MARCHF1: variants seen among roughly 807,000 people sequenced by gnomAD.
MARCHF1 encodes E3 ubiquitin-protein ligase MARCHF1.
MARCHF1 carries 40 observed loss-of-function variants against 54.2 expected under a neutral mutation model. The observed-to-expected ratio is 0.74, with a 90% CI of 0.57 to 0.96. The LOEUF (loss-of-function observed/expected upper bound fraction) is 0.96. Ranked by LOEUF, MARCHF1 falls within the 40% of genes least tolerant of loss-of-function variation. The probability of loss-of-function intolerance (pLI) is 0.00; values close to 1 mark genes in which losing one functional copy is unlikely to be tolerated. For synonymous variants in MARCHF1, 236 were observed against 236.3 expected (o/e 1.00, Z 0.01); for missense variants, 586 against 656.5 (o/e 0.89, Z 1.17).
intron 4 of MARCHF1, among the ~76,000 whole-genome samples, chr4:163,841,958 C>T (rs1171457526): frequency 2.0e-5 from 3 of 151,984 alleles, no homozygotes; most frequent in Non-Finnish European, 2.9e-5. Flanking sequence ...GATTATTTCA[C>T]CTAATAATTA....
chr4:164,153,156 A>T (rs1324779725), intron 1 of MARCHF1, among the ~76,000 whole-genome samples: 1 of 152,192 alleles, frequency 6.6e-6, no homozygotes, highest in African/African-American at 2.4e-5. Context: ...ATTTTAGGTG[A>T]AAATAATGAT....
At chr4:163,758,247 T>C (rs893077509) in intron 4 of MARCHF1, among the ~76,000 whole-genome samples, 4 of 152,290 alleles carry the variant, frequency 2.6e-5, no homozygotes, top group Non-Finnish European at 5.9e-5. Flanking sequence ...TGCTTCTGTC[T>C]TGATAATTCC....
Position 163,682,749 on chromosome 4 carries a change from G to T in MARCHF1, c.162+18064C>A, listed in dbSNP as rs112127020. On this transcript the variant is annotated intron_variant, in intron 5 of 9. Transcript: ENST00000514618. ...TTTTATAAGGGGCTTTTCCCCCTTT[G>T]CTCAGCAGTTCTGTTCCTGCTGCCA... Among the ~76,000 whole-genome samples, 3 of 152,176 alleles carry T rather than the reference G, an allele frequency of 2.0e-5. No individual in the cohort carries two copies. The South Asian group carries it at 6.2e-4, about 32-fold the overall frequency.
At chr4:163,828,349 C>A (rs9995020) in intron 4 of MARCHF1, among the ~76,000 whole-genome samples, 119,800 of 151,994 alleles carry the variant, frequency 0.79, 48,288 homozygotes, top group South Asian at 0.91. Flanking sequence ...CCTTTTACAT[C>A]ATTCTTTCTT....
intron 2 of MARCHF1, among the ~76,000 whole-genome samples, chr4:164,021,645 G>T (rs533309519): frequency 1.3e-5 from 2 of 151,942 alleles, no homozygotes; most frequent in Non-Finnish European, 2.9e-5. Context: ...TGAAAATATG[G>T]TCCATTTTTG....
intron 4 of MARCHF1, among the ~76,000 whole-genome samples, chr4:163,823,094 C>T (rs1748740319): frequency 6.6e-6 from 1 of 151,742 alleles, no homozygotes; most frequent in South Asian, 2.1e-4. Context: ...CAATTTTGGC[C>T]TAACAAAATT....
chr4:164,241,243 T>C (rs993631393), intron 1 of MARCHF1, among the ~76,000 whole-genome samples: 2 of 152,160 alleles, frequency 1.3e-5, no homozygotes, highest in Non-Finnish European at 2.9e-5. Context: ...ATCTATTCCC[T>C]AGGACCTTAG....
intron 1 of MARCHF1, among the ~76,000 whole-genome samples, chr4:164,304,195 CA>C (rs1449376464): frequency 6.6e-6 from 1 of 152,072 alleles, no homozygotes; most frequent in East Asian, 1.9e-4. Flanking sequence ...TAGCTATAAC[CA>C]AAGGGAGAAA....
chr4:163,962,250 C>T (rs762563279), intron 3 of MARCHF1, among the ~76,000 whole-genome samples: 3 of 151,790 alleles, frequency 2.0e-5, no homozygotes, highest in Non-Finnish European at 4.4e-5. Flanking sequence ...GTCTTAGACA[C>T]TAAAAGTGCA....
intron 3 of MARCHF1, among the ~76,000 whole-genome samples, chr4:163,941,428 G>T (rs1371036845): frequency 1.3e-5 from 2 of 152,074 alleles, no homozygotes; most frequent in Non-Finnish European, 2.9e-5. Flanking sequence ...TGACAGACGT[G>T]GCACCAGTTG....
At chr4:163,702,587 A>G (rs1471516117) in intron 4 of MARCHF1, among the ~76,000 whole-genome samples, 1 of 152,154 alleles carries the variant, frequency 6.6e-6, no homozygotes, top group Non-Finnish European at 1.5e-5. Flanking sequence ...TTTCACACTG[A>G]ATGGGACTTT....
intron 1 of MARCHF1, among the ~76,000 whole-genome samples, chr4:164,249,399 A>T (rs980576674): frequency 1.3e-5 from 2 of 152,052 alleles, no homozygotes; most frequent in Non-Finnish European, 2.9e-5. Context: ...AGCATAAATA[A>T]AGACTGAGAA....
intron 4 of MARCHF1, among the ~76,000 whole-genome samples, chr4:163,718,249 A>G (rs1174840319): frequency 6.6e-6 from 1 of 152,230 alleles, no homozygotes; most frequent in African/African-American, 2.4e-5. Context: ...GTGGGCAAGG[A>G]CATCATTTCT....
At chr4:163,893,166 G>A (rs1344356239) in intron 3 of MARCHF1, among the ~76,000 whole-genome samples, 1 of 151,614 alleles carries the variant, frequency 6.6e-6, no homozygotes, top group African/African-American at 2.4e-5. Flanking sequence ...TTGAGATGGA[G>A]TCTCACTCTG....
chr4:163,880,812 G>A (rs1750397879), intron 3 of MARCHF1, among the ~76,000 whole-genome samples: 1 of 151,866 alleles, frequency 6.6e-6, no homozygotes, highest in Non-Finnish European at 1.5e-5. Context: ...TTCAATGAAA[G>A]TATATGGAGC....
chr4:163,713,045 C>A (rs961304307), intron 4 of MARCHF1, among the ~76,000 whole-genome samples: 1 of 152,082 alleles, frequency 6.6e-6, no homozygotes, highest in East Asian at 1.9e-4. Context: ...CATCTCCTTT[C>A]ATCATTTTCT....
chr4:164,236,453 C>CTAG (rs1440389195), intron 1 of MARCHF1, among the ~76,000 whole-genome samples: 5 of 152,058 alleles, frequency 3.3e-5, no homozygotes, highest in Non-Finnish European at 4.4e-5. Context: ...CTAGACAGCA[C>CTAG]TTTGGCACTA....
intron 2 of MARCHF1, among the ~76,000 whole-genome samples, chr4:164,031,878 A>G (rs911970499): frequency 2.0e-5 from 3 of 152,198 alleles, no homozygotes; most frequent in African/African-American, 7.2e-5. Context: ...TTCCTTTTCA[A>G]TTGTTTGGAA....
intron 5 of MARCHF1, among the ~76,000 whole-genome samples, chr4:163,620,600 CACACACAGAGAG>C (rs58835681): frequency 2.8e-3 from 213 of 76,814 alleles, no homozygotes; most frequent in African/African-American, 0.016. Flanking sequence ...CACACACACA[CACACACAGAGAG>C]AGAGAGAGAG....
Sources: gnomAD v4.1 joint callset for allele counts (sites outside exome capture counted in the v4.1 genomes callset) on GRCh38, gnomAD v4.1.1 for gene constraint, MANE v1.5 for transcripts, NCBI Gene and HGNC (gene_info 2026-07-23, HGNC 2026-07-21) for gene names.